Variants in THOC2 observed in about 807,000 individuals in gnomAD.
THOC2 encodes THO complex subunit 2.
A neutral mutation model predicts 128.4 loss-of-function variants in THOC2; 10 were observed. The observed-to-expected ratio is 0.08, with a 90% confidence interval of 0.05 to 0.13. The LOEUF (loss-of-function observed/expected upper bound fraction) is 0.13. THOC2 is among the 10% of genes least tolerant of loss of function. The pLI is 1.00. For synonymous variants in THOC2, 393 were observed against 396.9 expected, an observed-to-expected ratio of 0.99 and a Z score of 0.12; for missense variants, 535 against 1,155.7, an observed-to-expected ratio of 0.46 and a Z score of 7.79.
At chrX:123,706,998 A>G in intron 2 of THOC2, 49 bp from the exon 3 acceptor site, 1 of 593,360 alleles carries the variant, frequency 1.7e-6, no homozygotes, top group Non-Finnish European at 2.5e-6. Context: ...CTTGAACATG[A>G]AAAGTAAATC....
chrX:123,656,326 C>G (rs1212049239), intron 12 of THOC2, among the ~76,000 whole-genome samples: 1 of 79,766 alleles, frequency 1.3e-5, no homozygotes, highest in African/African-American at 5.1e-5. Context: ...AGCGAGACTC[C>G]GTCTAAAAAA....
In THOC2 at chrX:123,640,616, T is replaced by A; in HGVS notation, c.1668A>T (p.Leu556=). ...CAGAAGGCTTCACATTTTCCTTGGT[T>A]AGGCGCCTACGGAGGAAGAAAAAGG... ...IDRAKYIMKR[L]TKENVKPSGR... Residue 556 remains leucine (L), a synonymous_variant, in exon 16 of 39, where the codon CTA becomes CTT. Transcript: ENST00000245838. The A allele has an allele frequency of 8.6e-7, 1 of 1,168,971 alleles. No individual in the cohort carries two copies. The highest frequency in any genetic ancestry group is 1.2e-6 in the Non-Finnish European group (1 of 867,403).
chrX:123,717,034 A>G (rs2051455336), intron 1 of THOC2, among the ~76,000 whole-genome samples: 1 of 112,197 alleles, frequency 8.9e-6, no homozygotes, highest in African/African-American at 3.2e-5. Flanking sequence ...CTCTAAGATC[A>G]GGTACCTGCC....
At position 123,701,529 on chromosome X, in the gene THOC2, CA is replaced by C. The variant is rs750023532; in HGVS notation, c.274+1924del. 6.0e-4 allele frequency among the ~76,000 whole-genome samples: 67 copies of C among 110,863 alleles called. 9 individuals are homozygous for C. The highest frequency in any genetic ancestry group is 5.1e-3 in the Admixed American group (53 of 10,399). On this transcript the variant is annotated intron_variant, in intron 4 of 38. Coordinates refer to ENST00000245838, the MANE Select transcript of THOC2 (RefSeq NM_001081550.2). ...AAGTCAATAAAGAAATTACTAGGGC[CA>C]ATAAGCTGATAATTGATGATTACCC...
Position 123,665,848 on chromosome X carries a change from A to T in THOC2, c.1191-11T>A. ...TTAGGAACTCCAACTCTATTTTAAA[A>T]AGTAAAATAAATAAATAAACAAATA... On this transcript the variant is annotated splice_polypyrimidine_tract_variant and intron_variant, in intron 11 of 38. Transcript: ENST00000245838. 1 of 988,496 alleles carries T rather than the reference A, an allele frequency of 1.0e-6. No homozygotes were observed. The highest frequency in any genetic ancestry group is 1.3e-6 in the Non-Finnish European group (1 of 746,685). The allele number at this position is 988,496 out of a possible 1,213,427, so 81.5% of individuals were successfully genotyped here.
intron 12 of THOC2, 146 bp from the exon 13 acceptor site, chrX:123,645,521 C>T (rs2048087293): frequency 2.9e-6 from 1 of 349,824 alleles, no homozygotes; most frequent in Non-Finnish European, 4.8e-6. Context: ...TAAATATAGC[C>T]TGTTAACCTT....
chrX:123,705,690 T>TA (rs1461907361), intron 3 of THOC2, among the ~76,000 whole-genome samples: 1 of 110,097 alleles, frequency 9.1e-6, no homozygotes, highest in Non-Finnish European at 1.9e-5. Context: ...CAGCTAAACT[T>TA]AGAATTTCCT....
chrX:123,625,845 C>T, intron 25 of THOC2, 67 bp downstream of exon 25: 1 of 1,067,026 alleles, frequency 9.4e-7, no homozygotes, highest in Non-Finnish European at 1.3e-6. Context: ...CACAATAATA[C>T]CTCTATAAAT....
At chrX:123,660,568 C>T (rs1307496955) in intron 12 of THOC2, among the ~76,000 whole-genome samples, 2 of 112,038 alleles carry the variant, frequency 1.8e-5, no homozygotes, top group Non-Finnish European at 3.8e-5. Flanking sequence ...ACATCACCAG[C>T]AATGGAACAA....
At chrX:123,631,011 A>G (rs1178899452) in intron 22 of THOC2, among the ~76,000 whole-genome samples, 2 of 112,712 alleles carry the variant, frequency 1.8e-5, no homozygotes, top group Non-Finnish European at 3.7e-5. Context: ...TTACACAAGT[A>G]AGAGAGAAAA....
In THOC2 at chrX:123,679,478, TA is replaced by T. The variant is rs199660220; in HGVS notation, c.768+7069del. ...CTTAACACTGGAGTGCCCCAAGCCT[TA>T]GTCCTTGGTTCTCTTCTCTTGCCTC... On this transcript the variant is annotated intron_variant, in intron 8 of 38. Coordinates refer to ENST00000245838, the MANE Select transcript of THOC2 (RefSeq NM_001081550.2). Among the ~76,000 whole-genome samples, 487 of 111,669 alleles carry T rather than the reference TA, an allele frequency of 4.4e-3. 3 individuals are homozygous for T. Among genetic ancestry groups the T allele is most frequent in the African/African-American group, 0.015 (458 of 30,708 alleles).
intron 8 of THOC2, among the ~76,000 whole-genome samples, chrX:123,676,228 T>C (rs1263753880): frequency 8.9e-6 from 1 of 112,560 alleles, no homozygotes. Flanking sequence ...TTTAAGTGCT[T>C]TTGGCAAAAG....
chrX:123,671,615 T>C, intron 9 of THOC2, 54 bp downstream of exon 9: 1 of 812,301 alleles, frequency 1.2e-6, no homozygotes, highest in East Asian at 3.4e-5. Flanking sequence ...CCTACTCCTC[T>C]TCCCTACCCT....
intron 38 of THOC2, among the ~76,000 whole-genome samples, chrX:123,609,412 T>C (rs905797393): frequency 4.5e-5 from 5 of 112,205 alleles, no homozygotes; most frequent in Admixed American, 9.4e-5. Context: ...AAGCACACCA[T>C]TCATCATGTG....
chrX:123,730,417 A>T (rs1326804561), intron 1 of THOC2, among the ~76,000 whole-genome samples: 1 of 110,957 alleles, frequency 9.0e-6, no homozygotes, highest in Non-Finnish European at 1.9e-5. Context: ...ACCTCAGGTG[A>T]TCCACCCGCC....
chrX:123,636,808 C>A (rs1176927940), intron 18 of THOC2, among the ~76,000 whole-genome samples: 2 of 111,732 alleles, frequency 1.8e-5, no homozygotes, highest in African/African-American at 6.5e-5. Context: ...GCAGCCTATT[C>A]CACAACTATT....
chrX:123,691,190 C>T (rs761585420), intron 7 of THOC2, among the ~76,000 whole-genome samples: 15 of 111,539 alleles, frequency 1.3e-4, no homozygotes, highest in Admixed American at 6.7e-4. Flanking sequence ...CCAGCTTGGG[C>T]AACAGAGCCA....
chrX:123,632,062 T>C (rs1279831052), intron 21 of THOC2, among the ~76,000 whole-genome samples: 2 of 111,215 alleles, frequency 1.8e-5, no homozygotes, highest in African/African-American at 6.5e-5. Flanking sequence ...GCCAACTAGG[T>C]CTCTTAAATG....
intron 17 of THOC2, among the ~76,000 whole-genome samples, chrX:123,638,715 A>G (rs1257506070): frequency 3.0e-5 from 3 of 99,111 alleles, no homozygotes; most frequent in Non-Finnish European, 6.1e-5. Flanking sequence ...ATACAACACA[A>G]AGACACACAC....
Sources: gnomAD v4.1 joint callset for allele counts (sites outside exome capture counted in the v4.1 genomes callset) on GRCh38, gnomAD v4.1.1 for gene constraint, MANE v1.5 for transcripts, NCBI Gene and HGNC (gene_info 2026-07-23, HGNC 2026-07-21) for gene names.